The following PAPPA variants were observed in gnomAD, a reference collection of about 807,000 sequenced individuals.
PAPPA encodes the protein pappalysin 1.
In PAPPA, 60 loss-of-function variants were observed where a neutral mutation model predicts 164.0. The ratio of observed to expected loss-of-function variants is 0.37; its 90% confidence interval spans 0.30 to 0.45. The LOEUF is 0.45. Ranked by LOEUF, PAPPA falls within the 20% of genes least tolerant of loss-of-function variation. The pLI, the probability that PAPPA is intolerant of heterozygous loss-of-function variation, is 1.00. For missense variants in PAPPA, 1,782 were observed against 2,087.3 expected, an observed-to-expected ratio of 0.85 and a Z score of 2.85; for synonymous variants, 875 against 814.1, an observed-to-expected ratio of 1.07 and a Z score of -1.27.
chr9:116,237,279 G>A (rs139985920), intron 7 of PAPPA, among the ~76,000 whole-genome samples: 1 of 152,250 alleles, frequency 6.6e-6, no homozygotes, highest in East Asian at 1.9e-4. Context: ...AAGAGCACTT[G>A]GTTTGTGTTT....
At chr9:116,227,313 A>C in intron 5 of PAPPA, 118 bp from the exon 6 acceptor site, 2 of 1,065,418 alleles carry the variant, frequency 1.9e-6, no homozygotes, top group South Asian at 1.5e-5. Flanking sequence ...GTAGGCAGGA[A>C]AGGGGGAAAC....
In PAPPA at chr9:116,235,344, C is replaced by T; in HGVS notation, c.2439C>T (p.Val813=). ...VSTDWDSSGA[V]NDIKLLAVSG... The stretch of plus-strand genomic sequence containing the variant: ...CTGACTGGGACTCTAGTGGAGCTGT[C>T]AATGACATCAAACTGTTGGCTGTCA... Residue 813 remains valine (V), a synonymous_variant, in exon 7 of 22, where the codon GTC becomes GTT. Transcript: ENST00000328252. The T allele has an allele frequency of 6.2e-7, 1 of 1,613,990 alleles. No homozygotes were observed. Among genetic ancestry groups the T allele is most frequent in the South Asian group, 1.1e-5 (1 of 91,050 alleles).
intron 15 of PAPPA, among the ~76,000 whole-genome samples, chr9:116,350,177 T>A (rs1268359633): frequency 6.6e-6 from 1 of 152,170 alleles, no homozygotes; most frequent in Non-Finnish European, 1.5e-5. Flanking sequence ...CAATGACCAG[T>A]ATAATAAGCA....
rs910827392 is a variant in PAPPA, at chr9:116,208,654, T to G, written c.1624+1053T>G. 6.4e-4 allele frequency among the ~76,000 whole-genome samples: 97 copies of G among 152,348 alleles called. 1 individual carries two copies. The highest frequency in any genetic ancestry group is 2.3e-3 in the African/African-American group (95 of 41,582). The stretch of plus-strand genomic sequence containing the variant: ...AGCAGTGACAGTGCTGGATGTATCC[T>G]CAGGCCTGCCTGGTCTCCTGGTGAA... On this transcript the variant is annotated intron_variant, in intron 3 of 21. Coordinates refer to ENST00000328252, the MANE Select transcript of PAPPA (RefSeq NM_002581.5).
At chr9:116,310,763 T>C (rs2118906398) in intron 10 of PAPPA, among the ~76,000 whole-genome samples, 1 of 152,306 alleles carries the variant, frequency 6.6e-6, no homozygotes, top group East Asian at 1.9e-4. Context: ...ACTGGAGCTT[T>C]ATAAAAAATG....
intron 18 of PAPPA, among the ~76,000 whole-genome samples, chr9:116,365,623 T>C (rs1846491845): frequency 1.4e-5 from 2 of 144,936 alleles, no homozygotes; most frequent in East Asian, 2.1e-4. Context: ...TTTTTTTTTT[T>C]CAAAAGGATT....
chr9:116,338,881 G>A (rs1846098012), intron 13 of PAPPA, among the ~76,000 whole-genome samples: 1 of 152,072 alleles, frequency 6.6e-6, no homozygotes, highest in Non-Finnish European at 1.5e-5. Context: ...CATTTCAAAG[G>A]GCTCTGAAAT....
chr9:116,299,088 G>C (rs564545659), intron 9 of PAPPA, among the ~76,000 whole-genome samples: 1 of 152,120 alleles, frequency 6.6e-6, no homozygotes, highest in Admixed American at 6.5e-5. Context: ...CCCCAGACAC[G>C]GGCTGGCAGA....
chr9:116,183,177 G>A (rs957801058), intron 1 of PAPPA, among the ~76,000 whole-genome samples: 1 of 152,056 alleles, frequency 6.6e-6, no homozygotes, highest in South Asian at 2.1e-4. Flanking sequence ...GAGACGTGGG[G>A]GTTCTTTTGT....
chr9:116,188,472 A>G (rs1844005722), intron 2 of PAPPA, among the ~76,000 whole-genome samples: 1 of 152,228 alleles, frequency 6.6e-6, no homozygotes. Flanking sequence ...CAAAGAGCCC[A>G]GAGTTCAAAT....
In PAPPA at chr9:116,358,732, T is replaced by C. The variant is rs557821006; in HGVS notation, c.4348-3860T>C. Among the ~76,000 whole-genome samples, 6 of 152,356 alleles carry C rather than the reference T, an allele frequency of 3.9e-5. No homozygotes were observed. In the South Asian group the frequency reaches 1.2e-3, roughly 32 times the overall value. ...TGCTTCTCCCTCTTCCTTCCTCTTC[T>C]CTTCTTTCCCTTCATCCCACTGGGG... On this transcript the variant is annotated intron_variant, in intron 17 of 21. Transcript: ENST00000328252.
At chr9:116,309,501 C>T (rs1845688630) in intron 10 of PAPPA, among the ~76,000 whole-genome samples, 1 of 152,098 alleles carries the variant, frequency 6.6e-6, no homozygotes, top group Non-Finnish European at 1.5e-5. Context: ...TGTATGGATA[C>T]AAGGATAAGA....
intron 1 of PAPPA, among the ~76,000 whole-genome samples, chr9:116,180,988 G>A (rs1843897965): frequency 6.6e-6 from 1 of 152,200 alleles, no homozygotes; most frequent in South Asian, 2.1e-4. Flanking sequence ...ACACCTTGAG[G>A]TGAGGAATGT....
chr9:116,381,853 G>A (rs1371971151), intron 20 of PAPPA, among the ~76,000 whole-genome samples: 1 of 152,176 alleles, frequency 6.6e-6, no homozygotes, highest in African/African-American at 2.4e-5. Flanking sequence ...AAGTACATCT[G>A]CCCTCCTTGT....
intron 20 of PAPPA, among the ~76,000 whole-genome samples, 154 bp downstream of exon 20, chr9:116,377,801 A>C (rs1846675068): frequency 6.6e-6 from 1 of 152,220 alleles, no homozygotes; most frequent in African/African-American, 2.4e-5. Context: ...TAGCAGCCTT[A>C]TTTTACAGAT....
chr9:116,372,719 T>A (rs542594266), intron 19 of PAPPA, among the ~76,000 whole-genome samples: 2 of 151,666 alleles, frequency 1.3e-5, no homozygotes, highest in East Asian at 1.9e-4. Context: ...GAAAAAAAAA[T>A]GGGAGGCGGA....
intron 16 of PAPPA, 90 bp from the exon 17 acceptor site, chr9:116,353,532 A>C: frequency 8.4e-7 from 1 of 1,190,816 alleles, no homozygotes; most frequent in Non-Finnish European, 1.2e-6. Context: ...AGGAAATAGG[A>C]AATGGGGGCC....
chr9:116,356,624 A>G (rs1022240166), intron 17 of PAPPA, among the ~76,000 whole-genome samples: 2 of 152,154 alleles, frequency 1.3e-5, no homozygotes, highest in Admixed American at 6.5e-5. Flanking sequence ...TCTTTTCCCC[A>G]TTTCTTGTTT....
intron 5 of PAPPA, among the ~76,000 whole-genome samples, chr9:116,226,330 T>TG (rs1248543643): frequency 6.6e-5 from 10 of 152,172 alleles, no homozygotes; most frequent in Non-Finnish European, 4.4e-5. Context: ...CACACTCTGA[T>TG]GCTCACAAGC....
Sources: gnomAD v4.1 joint callset for allele counts (sites outside exome capture counted in the v4.1 genomes callset) on GRCh38, gnomAD v4.1.1 for gene constraint, MANE v1.5 for transcripts, NCBI Gene and HGNC (gene_info 2026-07-23, HGNC 2026-07-21) for gene names.